SPEF2: variants seen among roughly 807,000 people sequenced by gnomAD.
The protein encoded by SPEF2 is sperm flagella and cilia-associated protein 2.
Under a neutral mutation model 224.6 loss-of-function variants are expected in SPEF2, and 187 were observed. The ratio of observed to expected loss-of-function variants is 0.83; its 90% CI spans 0.74 to 0.94. The LOEUF is 0.94. SPEF2 is among the 40% of genes least tolerant of loss of function. The pLI is 0.00. For missense variants in SPEF2, 2,170 were observed against 2,135.6 expected, an observed-to-expected ratio of 1.02 and a Z score of -0.32; for synonymous variants, 715 against 707.3, an observed-to-expected ratio of 1.01 and a Z score of -0.17.
At chr5:35,723,289 G>A (rs1744093335) in intron 20 of SPEF2, among the ~76,000 whole-genome samples, 1 of 152,160 alleles carries the variant, frequency 6.6e-6, no homozygotes. Context: ...GAGAGCAGAG[G>A]CTCTTCAAGT....
At chr5:35,726,180 T>C (rs912400688) in intron 20 of SPEF2, among the ~76,000 whole-genome samples, 8 of 152,212 alleles carry the variant, frequency 5.3e-5, no homozygotes, top group African/African-American at 7.2e-5. Flanking sequence ...AAAAGTTGTA[T>C]GGAATCAAAG....
Position 35,694,304 on chromosome 5 carries a change from T to A in SPEF2, c.1916T>A (p.Phe639Tyr). The A allele has an allele frequency of 6.2e-7, 1 of 1,613,626 alleles. No individual in the cohort carries two copies. Among genetic ancestry groups the A allele is most frequent in the Non-Finnish European group, 8.5e-7 (1 of 1,179,720 alleles). Reference sequence around the variant, plus strand: ...TCTCCAAAGGATCCACAACATGTATTTTCAGCTGGTCCAGTTTCAGATGAA... The same window carrying A: ...TCTCCAAAGGATCCACAACATGTATATTCAGCTGGTCCAGTTTCAGATGAA... ...IKESQDPQHV[F>Y]SAGPVSDEVL... Residue 639 changes from phenylalanine (F) to tyrosine (Y), a missense_variant, in exon 13 of 37, where the codon TTT becomes TAT. Coordinates refer to ENST00000356031, the MANE Select transcript of SPEF2 (RefSeq NM_024867.4).
rs1260844897 is a variant in SPEF2 at position 35,759,566 on chromosome 5, A to C, written c.3469-2A>C. On this transcript the variant is annotated splice_acceptor_variant, in intron 24 of 36. Coordinates refer to ENST00000356031, the MANE Select transcript of SPEF2 (RefSeq NM_024867.4). LOFTEE classifies it high-confidence loss of function. Reference sequence around the variant, plus strand: ...TATTAACATTCACATTTGCTATTAAAGGCAGAGCTGAACCGTTTCCAAGAT... The same window carrying C: ...TATTAACATTCACATTTGCTATTAACGGCAGAGCTGAACCGTTTCCAAGAT... 1 of 1,575,352 alleles carries C rather than the reference A, an allele frequency of 6.3e-7. No individual in the cohort carries two copies. The highest frequency in any genetic ancestry group is 1.2e-5 in the South Asian group (1 of 85,360).
chr5:35,640,994 A>G (rs1177219211), intron 2 of SPEF2, among the ~76,000 whole-genome samples: 1 of 152,174 alleles, frequency 6.6e-6, no homozygotes, highest in African/African-American at 2.4e-5. Flanking sequence ...CTTTGTCTGT[A>G]TGTATAAATG....
At chr5:35,809,807 C>G (rs1028392269) in intron 36 of SPEF2, among the ~76,000 whole-genome samples, 1 of 152,130 alleles carries the variant, frequency 6.6e-6, no homozygotes, top group Non-Finnish European at 1.5e-5. Flanking sequence ...TCCTGCACAA[C>G]GTGGATTCCA....
intron 5 of SPEF2, among the ~76,000 whole-genome samples, chr5:35,647,469 G>A (rs145389352): frequency 2.6e-5 from 4 of 152,184 alleles, no homozygotes; most frequent in African/African-American, 7.2e-5. Flanking sequence ...GAGAGAAGGT[G>A]TCAGTCTCTT....
intron 9 of SPEF2, among the ~76,000 whole-genome samples, chr5:35,669,276 G>A (rs1750918716): frequency 6.6e-6 from 1 of 152,026 alleles, no homozygotes; most frequent in African/African-American, 2.4e-5. Context: ...GTAATTTCAG[G>A]TTCTAGTCCA....
At chr5:35,807,708 C>T (rs1237363656) in intron 36 of SPEF2, 1 of 1,536,056 alleles carries the variant, frequency 6.5e-7, no homozygotes, top group Non-Finnish European at 8.7e-7. Context: ...ATCAGGAAAA[C>T]AGTGTGCAAG....
Position 35,700,578 on chromosome 5 carries a change from A to G in SPEF2, c.2224A>G (p.Thr742Ala). The change falls in exon 16 of 37, where the codon ACA (threonine) becomes GCA (alanine). Residue 742 changes from threonine (T) to alanine (A), a missense_variant. Coordinates refer to ENST00000356031, the MANE Select transcript of SPEF2 (RefSeq NM_024867.4). ...NQAQLLEEAL[T>A]GCNRNLTEVE... is the part of the protein sequence containing the mutation. Reference sequence around the variant, plus strand: ...AGCACAGCTTCTGGAAGAAGCTCTTACAGGCTGCAATAGAAACCTCACAGA... The same window carrying G: ...AGCACAGCTTCTGGAAGAAGCTCTTGCAGGCTGCAATAGAAACCTCACAGA... The G allele has an allele frequency of 1.2e-6, 2 of 1,613,924 alleles. No homozygotes were observed. The highest frequency in any genetic ancestry group is 2.2e-5 in the South Asian group (2 of 91,084).
chr5:35,638,443 C>T (rs147463692), intron 2 of SPEF2, among the ~76,000 whole-genome samples: 165 of 152,102 alleles, frequency 1.1e-3, no homozygotes, highest in African/African-American at 3.6e-3. Context: ...ACATACACAT[C>T]GTATGTTTTT....
chr5:35,723,909 A>T (rs1744196066), intron 20 of SPEF2, among the ~76,000 whole-genome samples: 1 of 152,222 alleles, frequency 6.6e-6, no homozygotes, highest in Non-Finnish European at 1.5e-5. Flanking sequence ...CACACATACA[A>T]AAGCTGGCAA....
chr5:35,787,670 C>G (rs1031552353), intron 30 of SPEF2, among the ~76,000 whole-genome samples: 1 of 152,038 alleles, frequency 6.6e-6, no homozygotes, highest in Non-Finnish European at 1.5e-5. Flanking sequence ...TTTTCTGAAC[C>G]ATATAATAGG....
intron 34 of SPEF2, among the ~76,000 whole-genome samples, chr5:35,805,666 A>C (rs1376450577): frequency 6.6e-6 from 1 of 152,210 alleles, no homozygotes; most frequent in East Asian, 1.9e-4. Flanking sequence ...CAAATTTACT[A>C]TAAAGAATGT....
At chr5:35,696,108 C>A (rs906538704) in intron 14 of SPEF2, among the ~76,000 whole-genome samples, 2 of 152,116 alleles carry the variant, frequency 1.3e-5, no homozygotes, top group Admixed American at 6.6e-5. Flanking sequence ...TTCGCTCATA[C>A]CCTCTTTACC....
At chr5:35,805,385 A>G (rs993213565) in intron 34 of SPEF2, among the ~76,000 whole-genome samples, 2 of 152,208 alleles carry the variant, frequency 1.3e-5, no homozygotes, top group African/African-American at 2.4e-5. Flanking sequence ...ATGCTGCATC[A>G]TAATCCTTCC....
rs1750054238 is a variant in SPEF2, at chr5:35,753,868, A to G, written c.3468+107A>G. 4.4e-6 allele frequency: 6 copies of G among 1,373,936 alleles called. No homozygotes were observed. The Admixed American group carries it at 1.1e-4, about 25-fold the overall frequency. The allele number at this position is 1,373,936 out of a possible 1,614,324, so 85.1% of individuals were successfully genotyped here. ...AATATGAGAGGTCTGTTCAGGGCTC[A>G]TTTTGGTATAGCACTATGCCTGGTA... On this transcript the variant is annotated intron_variant, in intron 24 of 36. Coordinates refer to ENST00000356031, the MANE Select transcript of SPEF2 (RefSeq NM_024867.4).
At chr5:35,704,849 C>A (rs1240008904) in intron 17 of SPEF2, among the ~76,000 whole-genome samples, 187 bp downstream of exon 17, 3 of 151,910 alleles carry the variant, frequency 2.0e-5, no homozygotes, top group Non-Finnish European at 4.4e-5. Flanking sequence ...ATTTAGAGGG[C>A]AAGTCATTAG....
At chr5:35,782,147 T>C (rs75941288) in intron 30 of SPEF2, among the ~76,000 whole-genome samples, 12,906 of 152,280 alleles carry the variant, frequency 0.085, 682 homozygotes, top group African/African-American at 0.15. Flanking sequence ...AAGGCTTTTG[T>C]TGTATTTCTT....
chr5:35,658,704 A>G (rs1467883178), intron 7 of SPEF2, among the ~76,000 whole-genome samples: 1 of 152,180 alleles, frequency 6.6e-6, no homozygotes, highest in Non-Finnish European at 1.5e-5. Context: ...TAAGCCTAGT[A>G]TCCATTAGCT....
Sources: allele counts gnomAD v4.1 joint callset (sites outside exome capture counted in the v4.1 genomes callset), GRCh38; gene constraint gnomAD v4.1.1; transcripts MANE v1.5; gene names NCBI Gene and HGNC (gene_info 2026-07-23, HGNC 2026-07-21).